The following ZEB1 variants were observed in gnomAD, a reference collection of about 807,000 sequenced individuals.
ZEB1 encodes zinc finger E-box-binding homeobox 1.
In ZEB1, 21 loss-of-function variants were observed where a neutral mutation model predicts 84.9. That is an observed-to-expected ratio of 0.25 (90% confidence interval 0.18 to 0.36). ZEB1 has a LOEUF of 0.36. ZEB1 is among the 10% of genes least tolerant of loss of function. ZEB1 has a pLI of 1.00. For synonymous variants in ZEB1, 420 were observed against 471.1 expected (o/e 0.89, Z 1.41); for missense variants, 1,104 against 1,330.2 (o/e 0.83, Z 2.65).
At position 31,455,196 on chromosome 10, in the gene ZEB1, A is replaced by T. The variant is rs1226499958; in HGVS notation, c.59-5841A>T. Among the ~76,000 whole-genome samples, 3 of 152,226 alleles carry T rather than the reference A, an allele frequency of 2.0e-5. No homozygotes were observed. In the East Asian group the frequency reaches 5.8e-4, roughly 29 times the overall value. On this transcript the variant is annotated intron_variant, in intron 1 of 8. Transcript: ENST00000424869. The stretch of plus-strand genomic sequence containing the variant: ...CCTGTTTAATAAATGGTGTTGGGAA[A>T]ACTGGCTAGCCATATGCAGAAAACT...
rs144040711 is a variant in ZEB1 at position 31,409,746 on chromosome 10, C to T, written c.59-51291C>T. 5.6e-3 allele frequency among the ~76,000 whole-genome samples: 850 copies of T among 152,234 alleles called. 13 individuals carry two copies. The highest frequency in any genetic ancestry group is 0.02 in the African/African-American group (813 of 41,532). ...CTTCACATCCCTTGTAAGTTGTATT[C>T]CTAAGTACTTTATTCTCTTTGTAGC... On this transcript the variant is annotated intron_variant, in intron 1 of 8. Transcript: ENST00000424869.
At chr10:31,363,437 T>C in intron 1 of ZEB1, 1 of 1,534,266 alleles carries the variant, frequency 6.5e-7, no homozygotes, top group Admixed American at 2.0e-5. Flanking sequence ...TCCAAGGGCC[T>C]GGGATTGTAC....
intron 1 of ZEB1, among the ~76,000 whole-genome samples, chr10:31,414,526 T>TA (rs1491330407): frequency 2.0e-5 from 3 of 152,198 alleles, no homozygotes; most frequent in African/African-American, 4.8e-5. Context: ...ATTTGAAAAT[T>TA]AGAGGGGCTA....
chr10:31,392,654 G>A (rs1016892872), intron 1 of ZEB1, among the ~76,000 whole-genome samples: 26 of 151,950 alleles, frequency 1.7e-4, no homozygotes, highest in African/African-American at 5.3e-4. Context: ...CCTAGTTTAA[G>A]ATCTAGTGCA....
chr10:31,454,196 A>G (rs1366393353), intron 1 of ZEB1, among the ~76,000 whole-genome samples: 1 of 152,214 alleles, frequency 6.6e-6, no homozygotes, highest in Non-Finnish European at 1.5e-5. Flanking sequence ...AAAGCCTTTG[A>G]TAAAATTCAA....
At chr10:31,322,744 G>T (rs112393892) in intron 1 of ZEB1, among the ~76,000 whole-genome samples, 5 of 138,108 alleles carry the variant, frequency 3.6e-5, no homozygotes, top group Non-Finnish European at 6.0e-5. Context: ...TTTTCTTCTT[G>T]TTCTACCTTT....
chr10:31,334,933 C>T (rs2037673991), intron 1 of ZEB1, among the ~76,000 whole-genome samples: 1 of 152,048 alleles, frequency 6.6e-6, no homozygotes, highest in South Asian at 2.1e-4. Context: ...GCAAATTCTA[C>T]AAAACATTCA....
intron 1 of ZEB1, among the ~76,000 whole-genome samples, chr10:31,396,837 C>A (rs546141083): frequency 1.3e-5 from 2 of 152,180 alleles, no homozygotes; most frequent in South Asian, 4.1e-4. Context: ...TATCTTCACT[C>A]AGTATCCATG....
intron 1 of ZEB1, among the ~76,000 whole-genome samples, chr10:31,434,098 C>T (rs913823059): frequency 4.1e-4 from 63 of 152,016 alleles, no homozygotes; most frequent in Admixed American, 1.6e-3. Context: ...ATTATTTAAC[C>T]ATGTTACTTT....
At chr10:31,429,898 G>C (rs1050435947) in intron 1 of ZEB1, among the ~76,000 whole-genome samples, 5 of 151,768 alleles carry the variant, frequency 3.3e-5, no homozygotes, top group African/African-American at 9.7e-5. Flanking sequence ...CTGCCACCAT[G>C]CCTGGCTAAT....
At chr10:31,319,653 G>A (rs1487821351) in intron 1 of ZEB1, 4 of 274,810 alleles carry the variant, frequency 1.5e-5, no homozygotes, top group Admixed American at 1.1e-4. Flanking sequence ...GGGTGGAGCG[G>A]CTGTTGCTTC....
At position 31,394,303 on chromosome 10, in the gene ZEB1, A is replaced by T. The variant is rs141456838; in HGVS notation, c.59-66734A>T. Among the ~76,000 whole-genome samples, 1,423 of 152,318 alleles carry T rather than the reference A, an allele frequency of 9.3e-3. 11 individuals carry two copies. The highest frequency in any genetic ancestry group is 0.017 in the Admixed American group (266 of 15,290). On this transcript the variant is annotated intron_variant, in intron 1 of 8. Transcript: ENST00000424869. Reference sequence around the variant, plus strand: ...GAAAGATGACACTGTACGGTGAAATATCTTGCAAGTCAATATTAGATACTA... The same window carrying T: ...GAAAGATGACACTGTACGGTGAAATTTCTTGCAAGTCAATATTAGATACTA...
intron 1 of ZEB1, among the ~76,000 whole-genome samples, chr10:31,432,581 A>C (rs1303506324): frequency 2.6e-5 from 4 of 152,018 alleles, no homozygotes; most frequent in Non-Finnish European, 5.9e-5. Flanking sequence ...AGAGCGCAAT[A>C]CCCTGTCTCA....
rs117291222 is a variant in ZEB1 at position 31,339,729 on chromosome 10, C to T, written c.58+20437C>T. On this transcript the variant is annotated intron_variant, in intron 1 of 8. Coordinates refer to ENST00000424869, the MANE Select transcript of ZEB1 (RefSeq NM_001174096.2). ...AGGTTGCAGTGAACTGAGATTGCAC[C>T]ACTCACTCCAGCGACAGAGAGAGAC... Among the ~76,000 whole-genome samples, 35 of 151,080 alleles carry T rather than the reference C, an allele frequency of 2.3e-4. No homozygotes were observed. The East Asian group carries it at 6.4e-3, about 28-fold the overall frequency.
At position 31,520,063 on chromosome 10, in the gene ZEB1, A is replaced by G; in HGVS notation, c.794-63A>G. 6.4e-7 allele frequency: 1 copy of G among 1,572,734 alleles called. No homozygotes were observed. Among genetic ancestry groups the G allele is most frequent in the Non-Finnish European group, 8.6e-7 (1 of 1,159,760 alleles). On this transcript the variant is annotated intron_variant, in intron 6 of 8. Transcript: ENST00000424869. This position sits in a 1 kb window ranked among gnomAD's most constrained non-coding sequence, Gnocchi z 5.1. ...TGATACCGCTTGTTTTAGGGAAATG[A>G]GGATACATAAAAATTTATATGTAAT... is the stretch of plus-strand genomic sequence containing the variant.
At chr10:31,504,013 A>AG (rs1554916432) in intron 4 of ZEB1, among the ~76,000 whole-genome samples, 2 of 151,628 alleles carry the variant, frequency 1.3e-5, no homozygotes, top group African/African-American at 4.8e-5. Flanking sequence ...TCCTTTGCTG[A>AG]GTCTTAGCAA....
intron 1 of ZEB1, among the ~76,000 whole-genome samples, chr10:31,356,696 C>T (rs2042182386): frequency 6.6e-6 from 1 of 152,062 alleles, no homozygotes; most frequent in Admixed American, 6.6e-5. Flanking sequence ...TGTTACTAGC[C>T]TGTTGTATCA....
At chr10:31,357,001 C>T (rs1311256694) in intron 1 of ZEB1, among the ~76,000 whole-genome samples, 1 of 152,016 alleles carries the variant, frequency 6.6e-6, no homozygotes, top group Non-Finnish European at 1.5e-5. Flanking sequence ...GCAAAATCGA[C>T]CTGTTAAATA....
Position 31,521,672 on chromosome 10 carries a change from G to T in ZEB1, c.2340G>T (p.Lys780Asn). 6.2e-7 allele frequency: 1 copy of T among 1,614,090 alleles called. No individual in the cohort carries two copies. Among genetic ancestry groups the T allele is most frequent in the Non-Finnish European group, 8.5e-7 (1 of 1,180,010 alleles). ...CTTGCGCAAAAAAGGAGCCACAAAA[G>T]GACAGTTGTGTTACAGACTCAGAAC... Reference protein sequence around the residue: ...NLSCAKKEPQKDSCVTDSEPV... With the variant: ...NLSCAKKEPQNDSCVTDSEPV... Residue 780 changes from lysine to asparagine, a missense_variant, in exon 7 of 9, where the codon AAG (lysine) becomes AAT (asparagine). By Grantham distance (94) the Lys-to-Asn change is moderately conservative. Around this residue, in one of 7 missense-constraint regions of ZEB1, gnomAD observed 531 missense variants for 575.2 expected, o/e 0.92. Transcript: ENST00000424869.
Sources: gnomAD v4.1 joint callset for allele counts (sites outside exome capture counted in the v4.1 genomes callset) on GRCh38, gnomAD v4.1.1 for gene constraint, gnomAD v4.1.1 regional missense constraint, Gnocchi (gnomAD v3.1) non-coding constraint, MANE v1.5 for transcripts, NCBI Gene and HGNC (gene_info 2026-07-23, HGNC 2026-07-21) for gene names.